DAB1: variants seen among roughly 807,000 people sequenced by gnomAD.
DAB1 encodes DAB adaptor protein 1.
In DAB1, 15 loss-of-function variants were observed where a neutral mutation model predicts 64.6. That is an observed-to-expected ratio of 0.23 (90% confidence interval 0.16 to 0.36). The LOEUF is 0.36. Among genes scored for constraint, DAB1 ranks in the 10% least tolerant of loss-of-function variants. The probability of loss-of-function intolerance (pLI) is 1.00; values close to 1 mark genes in which losing one functional copy is unlikely to be tolerated. For missense variants in DAB1, 596 were observed against 706.7 expected (o/e 0.84, Z 1.78); for synonymous variants, 235 against 251.9 (o/e 0.93, Z 0.64).
chr1:57,115,968 A>G (rs1326162369), intron 4 of DAB1, among the ~76,000 whole-genome samples: 1 of 152,148 alleles, frequency 6.6e-6, no homozygotes, highest in South Asian at 2.1e-4. Context: ...ACATAGAAAC[A>G]GTCATTCCTG....
At chr1:57,532,617 A>T (rs2691439) in intron 7 of DAB1, among the ~76,000 whole-genome samples, 108,044 of 152,036 alleles carry the variant, frequency 0.71, 38,683 homozygotes, top group South Asian at 0.8. Flanking sequence ...ATGCATCAAT[A>T]AGAGATTTTC....
intron 3 of DAB1, among the ~76,000 whole-genome samples, chr1:58,437,607 C>A (rs1174648765): frequency 6.6e-6 from 1 of 152,184 alleles, no homozygotes; most frequent in Non-Finnish European, 1.5e-5. Flanking sequence ...TCCCCCATTC[C>A]AGTATAAGCT....
intron 5 of DAB1, among the ~76,000 whole-genome samples, chr1:58,136,914 T>C (rs1204472348): frequency 6.6e-6 from 1 of 152,166 alleles, no homozygotes; most frequent in Non-Finnish European, 1.5e-5. Context: ...ACGTCTGAGT[T>C]TTCCACTAAG....
At chr1:57,784,314 A>G (rs1650242859) in intron 6 of DAB1, among the ~76,000 whole-genome samples, 1 of 152,118 alleles carries the variant, frequency 6.6e-6, no homozygotes. Flanking sequence ...GGATCACTTG[A>G]GCCTGGAAGG....
At chr1:57,505,581 T>C (rs1463978069) in intron 7 of DAB1, among the ~76,000 whole-genome samples, 2 of 152,254 alleles carry the variant, frequency 1.3e-5, no homozygotes, top group East Asian at 3.8e-4. Flanking sequence ...CACATACTTC[T>C]GATTTCCTTC....
chr1:58,140,851 T>A (rs1654243736), intron 5 of DAB1, among the ~76,000 whole-genome samples: 1 of 152,196 alleles, frequency 6.6e-6, no homozygotes, highest in African/African-American at 2.4e-5. Flanking sequence ...TAAGTACAAC[T>A]CTTGCAGGAA....
rs572977490 is a variant in DAB1, at chr1:57,015,281, G to T, written c.1046C>A (p.Ala349Asp). ...IAWGQPGLFP[A>D]TQQPWPTVAG... The stretch of plus-strand genomic sequence containing the variant: ...CACAGTTGGCCAGGGCTGCTGAGTG[G>T]CAGGAAAGAGACCCGGCTGGCCCCA... Residue 349 changes from alanine to aspartate, a missense_variant, in exon 12 of 15, where the codon GCC (alanine) becomes GAC (aspartate). Ala to Asp is a moderately radical substitution (Grantham distance 126, BLOSUM62 -2). This residue lies in a region of DAB1 where 377 missense variants were observed against 400.4 expected (regional missense o/e 0.94). Transcript: ENST00000371236. 1.9e-6 allele frequency: 3 copies of T among 1,614,120 alleles called. No individual in the cohort carries two copies. The highest frequency in any genetic ancestry group is 1.3e-5 in the African/African-American group (1 of 75,040).
intron 6 of DAB1, among the ~76,000 whole-genome samples, chr1:57,669,591 A>G (rs1347655080): frequency 6.6e-6 from 1 of 152,184 alleles, no homozygotes. Context: ...ACAGCTGCCC[A>G]GCACTGTATA....
At chr1:57,459,613 A>G (rs1190294160) in intron 7 of DAB1, among the ~76,000 whole-genome samples, 1 of 152,212 alleles carries the variant, frequency 6.6e-6, no homozygotes, top group South Asian at 2.1e-4. Flanking sequence ...ACATTAAACT[A>G]GAAGAGACCT....
At chr1:58,393,463 G>A (rs528608536) in intron 3 of DAB1, among the ~76,000 whole-genome samples, 2 of 152,166 alleles carry the variant, frequency 1.3e-5, no homozygotes, top group African/African-American at 2.4e-5. Flanking sequence ...ACTCTAAGAA[G>A]TAGACACATT....
chr1:57,640,179 G>A (rs1411085641), intron 7 of DAB1, among the ~76,000 whole-genome samples: 2 of 152,092 alleles, frequency 1.3e-5, no homozygotes, highest in African/African-American at 4.8e-5. Flanking sequence ...ATCACTTGGG[G>A]CCTCAAATTC....
rs867031010 is a variant in DAB1, at chr1:57,145,376, G to A, written c.121C>T (p.Arg41Trp). 11 of 1,613,852 alleles carry A rather than the reference G, an allele frequency of 6.8e-6. No individual in the cohort carries two copies. The highest frequency in any genetic ancestry group is 5.0e-5 in the Admixed American group (3 of 59,990). The stretch of plus-strand genomic sequence containing the variant: ...ATCCCGATCAATTTGGCTTTGTACC[G>A]GACCCCTTCACCTTTAAACCTCTTT... ...LIKRFKGEGV[R>W]YKAKLIGIDE... The change falls in exon 3 of 15, where the codon CGG becomes TGG. Residue 41 changes from arginine to tryptophan, a missense_variant. Arg to Trp is a moderately radical substitution (Grantham distance 101). Transcript: ENST00000371236.
chr1:57,063,052 C>A, intron 8 of DAB1, 109 bp from the exon 9 acceptor site: 1 of 901,680 alleles, frequency 1.1e-6, no homozygotes, highest in Non-Finnish European at 1.8e-6. Context: ...CTGAGAATGG[C>A]CCCAGGGACA....
intron 4 of DAB1, among the ~76,000 whole-genome samples, chr1:58,325,468 A>T (rs1662799423): frequency 6.6e-6 from 1 of 152,226 alleles, no homozygotes; most frequent in African/African-American, 2.4e-5. Context: ...TATTGAAATT[A>T]TAAAACAATA....
intron 1 of DAB1, among the ~76,000 whole-genome samples, chr1:57,373,981 A>AT (rs990059261): frequency 2.0e-5 from 3 of 152,132 alleles, no homozygotes; most frequent in African/African-American, 2.4e-5. Context: ...AAGTATGCAC[A>AT]TTTTTTTTGA....
At chr1:57,976,756 G>C (rs953785113) in intron 5 of DAB1, among the ~76,000 whole-genome samples, 1 of 152,178 alleles carries the variant, frequency 6.6e-6, no homozygotes, top group Non-Finnish European at 1.5e-5. Context: ...TTTCAGCCAA[G>C]CAAGGAAATA....
intron 5 of DAB1, among the ~76,000 whole-genome samples, chr1:58,068,943 G>T (rs1318874629): frequency 6.6e-6 from 1 of 152,120 alleles, no homozygotes; most frequent in Non-Finnish European, 1.5e-5. Flanking sequence ...CAGTCTCCTT[G>T]GGCTTCACGA....
chr1:58,427,336 C>T (rs1452153620), intron 3 of DAB1, among the ~76,000 whole-genome samples: 1 of 151,922 alleles, frequency 6.6e-6, no homozygotes, highest in Non-Finnish European at 1.5e-5. Context: ...ATTTTTTCTC[C>T]GAATGAGATA....
chr1:58,425,708 G>A (rs545892552), intron 3 of DAB1, among the ~76,000 whole-genome samples: 12 of 152,188 alleles, frequency 7.9e-5, no homozygotes, highest in African/African-American at 2.9e-4. Context: ...GTTTTAAAAA[G>A]TGAAAGAAGA....
Sources: allele counts gnomAD v4.1 joint callset (sites outside exome capture counted in the v4.1 genomes callset), GRCh38; gene constraint gnomAD v4.1.1; regional missense constraint gnomAD v4.1.1; transcripts MANE v1.5; gene names NCBI Gene and HGNC (gene_info 2026-07-23, HGNC 2026-07-21).